The following ADAMTS17 variants were observed in gnomAD, a reference collection of about 807,000 sequenced individuals.
ADAMTS17 encodes A disintegrin and metalloproteinase with thrombospondin motifs 17.
ADAMTS17 carries 113 observed loss-of-function variants against 141.5 expected under a neutral mutation model. The ratio of observed to expected loss-of-function variants is 0.80; its 90% CI spans 0.69 to 0.93. ADAMTS17 has a LOEUF of 0.93. Ranked by LOEUF, ADAMTS17 falls within the 40% of genes least tolerant of loss-of-function variation. The probability of loss-of-function intolerance (pLI) is 0.00; values close to 1 mark genes in which losing one functional copy is unlikely to be tolerated. For synonymous variants in ADAMTS17, 768 were observed against 630.6 expected (o/e 1.22, Z -3.27); for missense variants, 1,659 against 1,517.9 (o/e 1.09, Z -1.54).
Position 99,997,600 on chromosome 15 carries a change from G to T in ADAMTS17, c.2592-11C>A. The T allele has an allele frequency of 6.2e-7, 1 of 1,612,688 alleles. No individual in the cohort carries two copies. ...GGGCCTGCCACCCACCTGCCAGACG[G>T]GAGGAAAGAGAGAGAGAACGACTGG... On this transcript the variant is annotated splice_polypyrimidine_tract_variant and intron_variant, in intron 18 of 21. Transcript: ENST00000268070. This position sits in a 1 kb window ranked among gnomAD's most constrained non-coding sequence, Gnocchi z 4.7.
intron 7 of ADAMTS17, among the ~76,000 whole-genome samples, chr15:100,245,669 C>T: frequency 6.6e-6 from 1 of 152,226 alleles, no homozygotes; most frequent in East Asian, 1.9e-4. Context: ...TGTGGACTTC[C>T]AGCCAAGTCT....
chr15:100,047,868 T>G (rs2031832494), intron 18 of ADAMTS17, among the ~76,000 whole-genome samples: 1 of 152,186 alleles, frequency 6.6e-6, no homozygotes, highest in Non-Finnish European at 1.5e-5. Context: ...CTCAAGCAGA[T>G]TTCCTGCAGT....
rs1555449943 is a variant in ADAMTS17 at position 100,103,572 on chromosome 15, C to CCCTT, written c.2016+5416_2016+5417insAAGG. On this transcript the variant is annotated intron_variant, in intron 14 of 21. Transcript: ENST00000268070. ...AACACATAATCCATCCATCCAGCCACTCTTTTTTTTTCTTTTCCTTTTTTG... is the reference window on the plus strand; with the variant it reads ...AACACATAATCCATCCATCCAGCCACCCTTTCTTTTTTTTTCTTTTCCTTTTTTG... Among the ~76,000 whole-genome samples, 13 of 99,224 alleles carry CCCTT rather than the reference C, an allele frequency of 1.3e-4. No individual in the cohort carries two copies. The South Asian group carries it at 2.4e-3, about 18-fold the overall frequency. 65.1% of individuals were successfully genotyped at this position (99,224 alleles called of 152,430 possible). A position where few individuals can be genotyped will look rare whatever the true frequency, so the allele number is the denominator to read the frequency against.
intron 18 of ADAMTS17, among the ~76,000 whole-genome samples, chr15:100,025,554 G>A (rs1403355800): frequency 2.6e-5 from 4 of 151,790 alleles, no homozygotes; most frequent in African/African-American, 9.7e-5. Context: ...TGGGATTATA[G>A]GCACTCGCCA....
At chr15:100,269,718 G>A (rs1319793679) in intron 4 of ADAMTS17, among the ~76,000 whole-genome samples, 2 of 152,160 alleles carry the variant, frequency 1.3e-5, no homozygotes, top group Non-Finnish European at 2.9e-5. Flanking sequence ...AATCCAGCCT[G>A]AGAGGTCAAG....
chr15:100,151,837 G>C (rs918389626), intron 10 of ADAMTS17, among the ~76,000 whole-genome samples: 4 of 152,158 alleles, frequency 2.6e-5, no homozygotes, highest in African/African-American at 7.2e-5. Flanking sequence ...TGCCCCTCTT[G>C]GCACCCCTCA....
At chr15:100,186,855 T>C (rs1423822736) in intron 8 of ADAMTS17, among the ~76,000 whole-genome samples, 1 of 152,240 alleles carries the variant, frequency 6.6e-6, no homozygotes, top group Admixed American at 6.5e-5. Flanking sequence ...TGATGAGCCA[T>C]TCTGGAATGT....
chr15:100,129,915 G>A (rs2037948581), intron 12 of ADAMTS17, among the ~76,000 whole-genome samples: 1 of 152,180 alleles, frequency 6.6e-6, no homozygotes. Flanking sequence ...CAGGCCCAAT[G>A]CCATGACTCC....
rs142506284 is a variant in ADAMTS17 at position 100,155,871 on chromosome 15, C to A, written c.1182-551G>T. On this transcript the variant is annotated intron_variant, in intron 8 of 21. Coordinates refer to ENST00000268070, the MANE Select transcript of ADAMTS17 (RefSeq NM_139057.4). ...CTATTCAGCTATACCTGAGACATAC[C>A]AGGATGCCTGTCTAGGCCTGGAGGG... Among the ~76,000 whole-genome samples the A allele has an allele frequency of 7.9e-5, 12 of 152,318 alleles. No homozygotes were observed. The East Asian group carries it at 2.3e-3, about 29-fold the overall frequency.
intron 12 of ADAMTS17, among the ~76,000 whole-genome samples, chr15:100,127,880 C>G (rs1019002610): frequency 2.1e-5 from 3 of 144,580 alleles, no homozygotes; most frequent in South Asian, 4.4e-4. Context: ...CTGGGCTCGG[C>G]CCCCTGATAA....
intron 15 of ADAMTS17, among the ~76,000 whole-genome samples, chr15:100,073,836 G>A (rs1189791803): frequency 2.6e-5 from 4 of 151,702 alleles, no homozygotes; most frequent in Non-Finnish European, 4.4e-5. Context: ...GATGGGTGCA[G>A]CACACCAACA....
Position 99,974,362 on chromosome 15 carries a change from G to A in ADAMTS17, c.*40C>T, listed in dbSNP as rs756676818. ...TAGGCTTGCGGGTGGGTGGGTTTCA[G>A]ACCTGAGTCTGAGCTTTGAGCGACC... On this transcript the variant is annotated 3_prime_UTR_variant, in exon 22 of 22. Coordinates refer to ENST00000268070, the MANE Select transcript of ADAMTS17 (RefSeq NM_139057.4). 11 of 1,613,210 alleles carry A rather than the reference G, an allele frequency of 6.8e-6. No individual in the cohort carries two copies. Among genetic ancestry groups the A allele is most frequent in the Non-Finnish European group, 8.5e-6 (10 of 1,179,980 alleles).
At chr15:100,324,363 T>G in intron 3 of ADAMTS17, among the ~76,000 whole-genome samples, 1 of 151,988 alleles carries the variant, frequency 6.6e-6, no homozygotes. Context: ...CATGTTAACA[T>G]AGGGTAGGTC....
At chr15:100,115,092 G>A (rs988173184) in intron 13 of ADAMTS17, among the ~76,000 whole-genome samples, 30 of 152,308 alleles carry the variant, frequency 2.0e-4, no homozygotes, top group African/African-American at 7.0e-4. Flanking sequence ...GCAGTAAAGA[G>A]GTCTAAAAGT....
chr15:100,113,664 C>T (rs916997744), intron 13 of ADAMTS17, among the ~76,000 whole-genome samples: 4 of 152,246 alleles, frequency 2.6e-5, no homozygotes, highest in Non-Finnish European at 5.9e-5. Flanking sequence ...TTGTGACTAC[C>T]AAATGCAAGC....
At chr15:100,132,626 T>G (rs1374404898) in intron 11 of ADAMTS17, among the ~76,000 whole-genome samples, 1 of 152,206 alleles carries the variant, frequency 6.6e-6, no homozygotes, top group Admixed American at 6.5e-5. Context: ...TAAAACAATT[T>G]CTCAAAGTGC....
At chr15:100,278,745 G>A (rs1217662881) in intron 4 of ADAMTS17, among the ~76,000 whole-genome samples, 1 of 152,214 alleles carries the variant, frequency 6.6e-6, no homozygotes, top group Non-Finnish European at 1.5e-5. Flanking sequence ...TAACAAGCAG[G>A]ATTGCCGTGG....
At position 100,131,275 on chromosome 15, in the gene ADAMTS17, G is replaced by A. The variant is rs868784474; in HGVS notation, c.1721+732C>T. 3.3e-5 allele frequency among the ~76,000 whole-genome samples: 5 copies of A among 150,386 alleles called. No homozygotes were observed. The South Asian group carries it at 1.0e-3, about 32-fold the overall frequency. On this transcript the variant is annotated intron_variant, in intron 12 of 21. Transcript: ENST00000268070. ...AGGAGAAATACCTAATGTAGGTGAC[G>A]AGTTGATGGGTGCAGCAAACCACCA...
At chr15:100,060,123 G>A (rs1250638556) in intron 15 of ADAMTS17, among the ~76,000 whole-genome samples, 3 of 152,200 alleles carry the variant, frequency 2.0e-5, no homozygotes, top group Non-Finnish European at 4.4e-5. Flanking sequence ...CCAGTGATTT[G>A]ATTTTATCTG....
Sources: allele counts gnomAD v4.1 joint callset (sites outside exome capture counted in the v4.1 genomes callset), GRCh38; gene constraint gnomAD v4.1.1; non-coding constraint Gnocchi (gnomAD v3.1); transcripts MANE v1.5; gene names NCBI Gene and HGNC (gene_info 2026-07-23, HGNC 2026-07-21).